MEGF11: variants seen among roughly 807,000 people sequenced by gnomAD.
MEGF11 encodes the protein multiple EGF like domains 11.
A neutral mutation model predicts 146.6 loss-of-function variants in MEGF11; 126 were observed. The observed-to-expected ratio is 0.86, with a 90% CI of 0.74 to 1.00. MEGF11 has a LOEUF of 1.00. Among genes scored for constraint, MEGF11 ranks in the 50% least tolerant of loss-of-function variants. The pLI, the probability that MEGF11 is intolerant of heterozygous loss-of-function variation, is 0.00. For synonymous variants in MEGF11, 532 were observed against 583.4 expected (o/e 0.91, Z 1.27); for missense variants, 1,509 against 1,521.2 (o/e 0.99, Z 0.13).
chr15:66,208,806 T>G (rs1386841118), intron 1 of MEGF11, among the ~76,000 whole-genome samples: 2 of 151,906 alleles, frequency 1.3e-5, no homozygotes, highest in African/African-American at 2.4e-5. Flanking sequence ...CGCTTGAACC[T>G]GGGAGGTGTG....
chr15:65,898,685 C>T (rs1186741192), intron 25 of MEGF11, 43 bp downstream of exon 25: 1 of 1,609,632 alleles, frequency 6.2e-7, no homozygotes. Flanking sequence ...AAATGCTGCA[C>T]TATTGCCCTG....
Position 65,982,588 on chromosome 15 carries a change from G to A in MEGF11, c.395-100C>T. On this transcript the variant is annotated intron_variant, in intron 5 of 25. Transcript: ENST00000395614. The surrounding 1 kb of genome is among the most constrained non-coding windows in gnomAD (Gnocchi z 5.6). ...CATGCGGCCTTCCCATCTTTGCAGC[G>A]CTGCTCCCCGGACAGGTGGCAGCAA... 2.2e-6 allele frequency: 3 copies of A among 1,351,344 alleles called. No homozygotes were observed. Among genetic ancestry groups the A allele is most frequent in the Non-Finnish European group, 2.9e-6 (3 of 1,039,734 alleles). The allele number at this position is 1,351,344 out of a possible 1,614,324, so 83.7% of individuals were successfully genotyped here.
intron 4 of MEGF11, among the ~76,000 whole-genome samples, chr15:66,105,207 G>A (rs1033766159): frequency 3.3e-5 from 5 of 152,182 alleles, no homozygotes; most frequent in Admixed American, 3.3e-4. Flanking sequence ...CACAGGGCTC[G>A]TCCTAGTGCT....
chr15:65,982,400 G>A lies in MEGF11; in HGVS notation c.483C>T (p.Cys161=), dbSNP rs756786480. Reference sequence around the variant, plus strand: ...ATCCACGGAAGCCGGCGGCGCACACGCAGGCGCCTGTGATGGGGTTACACA... The same window carrying A: ...ATCCACGGAAGCCGGCGGCGCACACACAGGCGCCTGTGATGGGGTTACACA... ...GALCNPITGA[C]VCAAGFRGWR... Residue 161 remains cysteine (C), a synonymous_variant, in exon 6 of 26, where the codon TGC becomes TGT. Coordinates refer to ENST00000395614, the MANE Select transcript of MEGF11 (RefSeq NM_001385028.1). The surrounding 1 kb of genome is among the most constrained non-coding windows in gnomAD (Gnocchi z 5.6). 1.3e-6 allele frequency: 2 copies of A among 1,532,686 alleles called. No individual in the cohort carries two copies. The highest frequency in any genetic ancestry group is 2.4e-5 in the South Asian group (2 of 82,226). The allele number at this position is 1,532,686 out of a possible 1,614,324, so 94.9% of individuals were successfully genotyped here. A position where few individuals can be genotyped will look rare whatever the true frequency, so the allele number is the denominator to read the frequency against.
chr15:66,108,927 C>G (rs1254894577), intron 4 of MEGF11, among the ~76,000 whole-genome samples: 1 of 152,216 alleles, frequency 6.6e-6, no homozygotes, highest in Non-Finnish European at 1.5e-5. Flanking sequence ...ACATAAATGC[C>G]TGACTGCTTC....
rs532026487 is a variant in MEGF11, at chr15:66,181,791, C to T, written c.-8-53380G>A. On this transcript the variant is annotated intron_variant, in intron 1 of 25. Transcript: ENST00000395614. ...TGGGGGAGGGGCGCTGTGTCTCTGC[C>T]GCTTATCAGCCCTGGTAATTGAGAG... Among the ~76,000 whole-genome samples the T allele has an allele frequency of 3.2e-3, 488 of 152,232 alleles. 4 individuals carry two copies. Among genetic ancestry groups the T allele is most frequent in the African/African-American group, 0.011 (444 of 41,522 alleles).
intron 4 of MEGF11, among the ~76,000 whole-genome samples, chr15:66,101,008 C>T (rs1364434251): frequency 2.8e-5 from 3 of 106,456 alleles, no homozygotes; most frequent in East Asian, 3.1e-4. Flanking sequence ...GGTGGATGGG[C>T]ACGTGGGTGG....
At chr15:66,097,061 T>C (rs1361563936) in intron 4 of MEGF11, among the ~76,000 whole-genome samples, 1 of 152,194 alleles carries the variant, frequency 6.6e-6, no homozygotes. Context: ...CACAGTCCCT[T>C]AGCTTGACCC....
Position 65,916,883 on chromosome 15 carries a change from G to A in MEGF11, c.2160C>T (p.Ala720=), listed in dbSNP as rs573143295. ...CSCHNGASCS[A]EDGACHCTPG... ...GGGTGCAGTGGCAGGCCCCGTCCTC[G>A]GCGCTGCAGCTCGCCCCGTTGTGGC... The change falls in exon 17 of 26, where the codon GCC becomes GCT. Residue 720 remains alanine, a synonymous_variant. Transcript: ENST00000395614. 48 of 1,587,562 alleles carry A rather than the reference G, an allele frequency of 3.0e-5. No individual in the cohort carries two copies. The highest frequency in any genetic ancestry group is 1.4e-4 in the Admixed American group (8 of 57,470).
chr15:65,916,544 C>A (rs931198644), intron 17 of MEGF11: 1 of 657,860 alleles, frequency 1.5e-6, no homozygotes, highest in East Asian at 2.8e-5. Flanking sequence ...TGCTCCTCCC[C>A]ACTCTGGGCC....
intron 8 of MEGF11, among the ~76,000 whole-genome samples, chr15:65,965,613 C>CT (rs1186551497): frequency 3.7e-5 from 2 of 53,522 alleles, no homozygotes; most frequent in African/African-American, 1.6e-4. Flanking sequence ...TTTTTTTTTT[C>CT]TTTTTTTTTT....
At chr15:66,132,166 C>T (rs1156353394) in intron 1 of MEGF11, among the ~76,000 whole-genome samples, 1 of 152,196 alleles carries the variant, frequency 6.6e-6, no homozygotes, top group Non-Finnish European at 1.5e-5. Context: ...CCTCTGGAGG[C>T]CCCTGCCTCT....
At chr15:66,190,174 C>G (rs762237531) in intron 1 of MEGF11, among the ~76,000 whole-genome samples, 30 of 152,180 alleles carry the variant, frequency 2.0e-4, no homozygotes, top group Non-Finnish European at 3.7e-4. Context: ...AGGACTTCTG[C>G]GCTAATCTGT....
intron 1 of MEGF11, among the ~76,000 whole-genome samples, chr15:66,133,800 GT>G (rs1434480513): frequency 6.6e-6 from 1 of 152,162 alleles, no homozygotes; most frequent in East Asian, 1.9e-4. Context: ...AAGAAAAAAA[GT>G]TTTAAAAATA....
intron 1 of MEGF11, among the ~76,000 whole-genome samples, chr15:66,158,882 C>G (rs1361935952): frequency 6.6e-6 from 1 of 152,232 alleles, no homozygotes; most frequent in Non-Finnish European, 1.5e-5. Flanking sequence ...CTTAATATCT[C>G]AAAGTCCTCC....
chr15:66,143,711 T>C (rs2089259763), intron 1 of MEGF11, among the ~76,000 whole-genome samples: 1 of 152,198 alleles, frequency 6.6e-6, no homozygotes, highest in Admixed American at 6.5e-5. Context: ...TCTCTCTACC[T>C]GCTTTCCTGG....
chr15:65,991,460 C>T (rs1596962998), intron 5 of MEGF11, among the ~76,000 whole-genome samples: 2 of 152,194 alleles, frequency 1.3e-5, no homozygotes, highest in African/African-American at 4.8e-5. Flanking sequence ...AACCTCAGCA[C>T]ATTTTGGGCC....
chr15:66,142,609 T>G (rs2089210157), intron 1 of MEGF11, among the ~76,000 whole-genome samples: 1 of 152,154 alleles, frequency 6.6e-6, no homozygotes, highest in African/African-American at 2.4e-5. Flanking sequence ...AGGGAGGCCC[T>G]GTGAGGGGAC....
At chr15:66,088,279 C>T (rs1237987216) in intron 5 of MEGF11, among the ~76,000 whole-genome samples, 2 of 152,224 alleles carry the variant, frequency 1.3e-5, no homozygotes, top group Admixed American at 6.5e-5. Flanking sequence ...CCTTTTGACA[C>T]TGTTCCACAA....
Sources: allele counts gnomAD v4.1 joint callset (sites outside exome capture counted in the v4.1 genomes callset), GRCh38; gene constraint gnomAD v4.1.1; non-coding constraint Gnocchi (gnomAD v3.1); transcripts MANE v1.5; gene names NCBI Gene and HGNC (gene_info 2026-07-23, HGNC 2026-07-21).